CORIN: variants seen among roughly 807,000 people sequenced by gnomAD.
CORIN encodes atrial natriuretic peptide-converting enzyme.
In CORIN, 117 loss-of-function variants were observed where a neutral mutation model predicts 125.3. The ratio of observed to expected loss-of-function variants is 0.93; its 90% CI spans 0.80 to 1.09. The LOEUF (loss-of-function observed/expected upper bound fraction) is 1.09. Ranked by LOEUF, CORIN falls within the 50% of genes least tolerant of loss-of-function variation. The pLI is 0.00. For synonymous variants in CORIN, 450 were observed against 466.4 expected (o/e 0.96, Z 0.45); for missense variants, 1,253 against 1,306.7 (o/e 0.96, Z 0.63).
At chr4:47,821,845 A>T (rs921856242) in intron 1 of CORIN, among the ~76,000 whole-genome samples, 4 of 152,234 alleles carry the variant, frequency 2.6e-5, no homozygotes, top group Non-Finnish European at 5.9e-5. Flanking sequence ...AAATGAGAAC[A>T]GACTAAACTA....
At chr4:47,708,179 C>A (rs1360159100) in intron 5 of CORIN, among the ~76,000 whole-genome samples, 1 of 152,186 alleles carries the variant, frequency 6.6e-6, no homozygotes, top group Non-Finnish European at 1.5e-5. Flanking sequence ...AATTGGGTGG[C>A]TGAAAACGAC....
intron 3 of CORIN, among the ~76,000 whole-genome samples, chr4:47,779,673 T>A (rs1373157542): frequency 2.0e-5 from 3 of 152,046 alleles, no homozygotes; most frequent in Non-Finnish European, 4.4e-5. Context: ...TGACCTCAGG[T>A]GATCCACCTG....
Position 47,733,485 on chromosome 4 carries a change from C to T in CORIN, c.799+10917G>A, listed in dbSNP as rs145403865. Among the ~76,000 whole-genome samples, 34 of 152,130 alleles carry T rather than the reference C, an allele frequency of 2.2e-4. No homozygotes were observed. In the East Asian group the frequency reaches 2.7e-3, roughly 12 times the overall value. On this transcript the variant is annotated intron_variant, in intron 5 of 21. Transcript: ENST00000273857. ...CACTGAAATGGTTGCTAGCAGCAAC[C>T]GGAGCTAGGCAGAGCAAATAAGGTG...
intron 19 of CORIN, among the ~76,000 whole-genome samples, chr4:47,619,703 A>C (rs1722222484): frequency 6.6e-6 from 1 of 152,230 alleles, no homozygotes; most frequent in Non-Finnish European, 1.5e-5. Flanking sequence ...TCAGTGAAAG[A>C]GGAAACTTGG....
At position 47,680,201 on chromosome 4, in the gene CORIN, T is replaced by C. The variant is rs919603806; in HGVS notation, c.1072A>G (p.Met358Val). The C allele has an allele frequency of 1.9e-6, 3 of 1,613,890 alleles. No individual in the cohort carries two copies. The highest frequency in any genetic ancestry group is 1.3e-5 in the African/African-American group (1 of 74,916). ...HRCGDGRCIA[M>V]EWVCDGDHDC... Reference sequence around the variant, plus strand: ...TGGTCACCATCACACACCCACTCCATGGCGATGCAGCGCCCGTCCCCGCAG... The same window carrying C: ...TGGTCACCATCACACACCCACTCCACGGCGATGCAGCGCCCGTCCCCGCAG... The change falls in exon 8 of 22, where the codon ATG becomes GTG. Residue 358 changes from methionine (M) to valine (V), a missense_variant. Met to Val is a conservative substitution (Grantham distance 21). Transcript: ENST00000273857.
chr4:47,768,629 G>A (rs915888292), intron 3 of CORIN, among the ~76,000 whole-genome samples: 7 of 152,048 alleles, frequency 4.6e-5, no homozygotes, highest in Non-Finnish European at 1.5e-5. Context: ...CATTTACCAT[G>A]ATCAAGTGGA....
intron 3 of CORIN, among the ~76,000 whole-genome samples, chr4:47,779,188 C>T (rs1253749533): frequency 1.3e-5 from 2 of 152,194 alleles, no homozygotes; most frequent in Admixed American, 6.5e-5. Context: ...GGTTATAGGT[C>T]GAGCACAGAG....
intron 5 of CORIN, among the ~76,000 whole-genome samples, chr4:47,726,473 T>C (rs765086631): frequency 6.6e-6 from 1 of 152,122 alleles, no homozygotes. Flanking sequence ...TATGATTCCA[T>C]GTGTGACATT....
chr4:47,698,789 A>G (rs1354070606), intron 5 of CORIN, among the ~76,000 whole-genome samples: 1 of 152,192 alleles, frequency 6.6e-6, no homozygotes, highest in Non-Finnish European at 1.5e-5. Flanking sequence ...TTAACAATGG[A>G]CTACATATAC....
At chr4:47,607,288 G>T (rs1721689360) in intron 19 of CORIN, among the ~76,000 whole-genome samples, 1 of 151,946 alleles carries the variant, frequency 6.6e-6, no homozygotes, top group Admixed American at 6.6e-5. Flanking sequence ...GGTGCCTGTA[G>T]TCCCAGCTAT....
chr4:47,770,077 C>A (rs981086833), intron 3 of CORIN, among the ~76,000 whole-genome samples: 2 of 151,968 alleles, frequency 1.3e-5, no homozygotes, highest in Non-Finnish European at 2.9e-5. Flanking sequence ...AAATAACTTA[C>A]AAAATGGGAG....
intron 13 of CORIN, among the ~76,000 whole-genome samples, chr4:47,647,677 C>A (rs1420077721): frequency 2.0e-5 from 3 of 152,222 alleles, no homozygotes; most frequent in African/African-American, 4.8e-5. Flanking sequence ...AATCCCTCCA[C>A]ATCACAGCTC....
At chr4:47,610,277 G>A (rs536113365) in intron 19 of CORIN, among the ~76,000 whole-genome samples, 33 of 152,080 alleles carry the variant, frequency 2.2e-4, no homozygotes, top group African/African-American at 7.5e-4. Flanking sequence ...TTGTTTCTTG[G>A]CTTTTTAATA....
In CORIN at chr4:47,623,639, A is replaced by G; in HGVS notation, c.2472T>C (p.Ser824=). 3 of 1,614,216 alleles carry G rather than the reference A, an allele frequency of 1.9e-6. No individual in the cohort carries two copies. Among genetic ancestry groups the G allele is most frequent in the Non-Finnish European group, 2.5e-6 (3 of 1,180,018 alleles). ...PWQCSLQSEP[S]GHICGCVLIA... The stretch of plus-strand genomic sequence containing the variant: ...TGAGGACACAGCCACAGATATGTCC[A>G]CTGGGTTCACTCTGCAGAGAACACT... Residue 824 remains serine (S), a synonymous_variant, in exon 19 of 22, where the codon AGT becomes AGC. Transcript: ENST00000273857.
chr4:47,739,975 A>G (rs1728313704), intron 5 of CORIN, among the ~76,000 whole-genome samples: 1 of 151,932 alleles, frequency 6.6e-6, no homozygotes, highest in Non-Finnish European at 1.5e-5. Context: ...GCACACCCCA[A>G]TATATCTAAC....
At chr4:47,748,759 A>C (rs1204091666) in intron 4 of CORIN, among the ~76,000 whole-genome samples, 1 of 152,212 alleles carries the variant, frequency 6.6e-6, no homozygotes, top group Non-Finnish European at 1.5e-5. Context: ...ATAGCCACAA[A>C]GCAGGCTTAT....
At chr4:47,695,357 A>G (rs1016332395) in intron 5 of CORIN, among the ~76,000 whole-genome samples, 8 of 152,178 alleles carry the variant, frequency 5.3e-5, no homozygotes, top group Non-Finnish European at 8.8e-5. Context: ...GAATTATTGC[A>G]TTCCCCACCT....
chr4:47,707,975 A>C (rs1726656707), intron 5 of CORIN, among the ~76,000 whole-genome samples: 1 of 152,248 alleles, frequency 6.6e-6, no homozygotes, highest in Admixed American at 6.5e-5. Flanking sequence ...TCCATAGAAC[A>C]CATTCAAGAG....
chr4:47,646,131 CTT>C (rs1344819517), intron 13 of CORIN, among the ~76,000 whole-genome samples: 1 of 151,408 alleles, frequency 6.6e-6, no homozygotes, highest in Non-Finnish European at 1.5e-5. Context: ...TAACTGTTCC[CTT>C]TTCTTTCTGA....
Sources: gnomAD v4.1 joint callset for allele counts (sites outside exome capture counted in the v4.1 genomes callset) on GRCh38, gnomAD v4.1.1 for gene constraint, MANE v1.5 for transcripts, NCBI Gene and HGNC (gene_info 2026-07-23, HGNC 2026-07-21) for gene names.